Variants in ANKRD44 observed in about 807,000 individuals in gnomAD.
ANKRD44 encodes the protein serine/threonine-protein phosphatase 6 regulatory ankyrin repeat subunit B.
A neutral mutation model predicts 116.0 loss-of-function variants in ANKRD44; 35 were observed. The observed-to-expected ratio is 0.30, with a 90% CI of 0.23 to 0.40. The LOEUF (loss-of-function observed/expected upper bound fraction) is 0.40. Ranked by LOEUF, ANKRD44 falls within the 10% of genes least tolerant of loss-of-function variation. ANKRD44 has a pLI of 1.00. For synonymous variants in ANKRD44, 435 were observed against 461.8 expected (o/e 0.94, Z 0.74); for missense variants, 1,014 against 1,242.6 (o/e 0.82, Z 2.77).
At chr2:197,018,663 G>T (rs890493167) in intron 17 of ANKRD44, among the ~76,000 whole-genome samples, 11 of 152,152 alleles carry the variant, frequency 7.2e-5, no homozygotes, top group African/African-American at 2.7e-4. Context: ...TGATTGAAGG[G>T]ACTTAATGTG....
At chr2:197,151,201 T>C (rs991953353) in intron 2 of ANKRD44, among the ~76,000 whole-genome samples, 2 of 150,648 alleles carry the variant, frequency 1.3e-5, no homozygotes, top group African/African-American at 2.5e-5. Flanking sequence ...CCTAGCTGGA[T>C]AGATATGCCC....
chr2:197,115,206 A>G (rs1255106632), intron 8 of ANKRD44, among the ~76,000 whole-genome samples: 1 of 152,228 alleles, frequency 6.6e-6, no homozygotes, highest in Non-Finnish European at 1.5e-5. Flanking sequence ...CAACCTGGCA[A>G]TGGCAATTTC....
intron 13 of ANKRD44, among the ~76,000 whole-genome samples, chr2:197,084,180 G>T (rs2077865288): frequency 6.6e-6 from 1 of 152,074 alleles, no homozygotes; most frequent in Non-Finnish European, 1.5e-5. Flanking sequence ...AATCTCCTTT[G>T]ATGGGGTATC....
At position 197,212,818 on chromosome 2, in the gene ANKRD44, C is replaced by A. The variant is rs369863185; in HGVS notation, c.28-25712G>T. On this transcript the variant is annotated intron_variant, in intron 1 of 27. Coordinates refer to ENST00000282272, the MANE Select transcript of ANKRD44 (RefSeq NM_001195144.2). The surrounding 1 kb of genome is among the most constrained non-coding windows in gnomAD (Gnocchi z 4.8). ...CAAACACACACTTCAATCAGGAACT[C>A]GGTGATCACATGCCCACGGTGAGAG... is the stretch of plus-strand genomic sequence containing the variant. 2.0e-5 allele frequency among the ~76,000 whole-genome samples: 3 copies of A among 152,132 alleles called. No homozygotes were observed. The highest frequency in any genetic ancestry group is 4.4e-5 in the Non-Finnish European group (3 of 68,032).
intron 1 of ANKRD44, among the ~76,000 whole-genome samples, chr2:197,291,235 C>A (rs909985464): frequency 2.0e-5 from 3 of 152,000 alleles, no homozygotes; most frequent in African/African-American, 7.3e-5. Flanking sequence ...TGTGGCCAGG[C>A]GCGGTGGCTC....
intron 16 of ANKRD44, among the ~76,000 whole-genome samples, chr2:197,055,184 A>T (rs1007480585): frequency 6.6e-6 from 1 of 152,204 alleles, no homozygotes. Context: ...CATTTCCTTG[A>T]TGACTATTAA....
intron 1 of ANKRD44, among the ~76,000 whole-genome samples, chr2:197,257,685 T>A (rs182262186): frequency 6.6e-6 from 1 of 152,272 alleles, no homozygotes; most frequent in African/African-American, 2.4e-5. Context: ...TATCAAAACA[T>A]TTCATGTACC....
At chr2:197,148,888 C>T (rs1460248919) in intron 2 of ANKRD44, among the ~76,000 whole-genome samples, 1 of 152,150 alleles carries the variant, frequency 6.6e-6, no homozygotes, top group African/African-American at 2.4e-5. Flanking sequence ...CGATATATGA[C>T]TACAATCAAC....
intron 16 of ANKRD44, among the ~76,000 whole-genome samples, chr2:197,058,731 C>T (rs2077252074): frequency 6.6e-6 from 1 of 152,178 alleles, no homozygotes; most frequent in Non-Finnish European, 1.5e-5. Context: ...ATTTAGTCTC[C>T]TGCCCATTAT....
intron 16 of ANKRD44, among the ~76,000 whole-genome samples, chr2:197,056,655 A>C (rs569255888): frequency 7.9e-5 from 12 of 152,282 alleles, no homozygotes; most frequent in African/African-American, 2.6e-4. Flanking sequence ...ATTTTATATA[A>C]TATTTTAGAT....
chr2:197,063,532 C>G (rs901424108), intron 16 of ANKRD44, among the ~76,000 whole-genome samples: 1 of 152,106 alleles, frequency 6.6e-6, no homozygotes, highest in East Asian at 1.9e-4. Flanking sequence ...TCGAACCCAT[C>G]GCAAAGAAGC....
At chr2:197,229,350 T>C (rs2081800336) in intron 1 of ANKRD44, among the ~76,000 whole-genome samples, 1 of 152,202 alleles carries the variant, frequency 6.6e-6, no homozygotes, top group Non-Finnish European at 1.5e-5. Flanking sequence ...AGATCATTCA[T>C]AATCAAACCT....
intron 2 of ANKRD44, among the ~76,000 whole-genome samples, chr2:197,156,724 G>A (rs1355680837): frequency 6.6e-6 from 1 of 152,108 alleles, no homozygotes. Context: ...AAGATGAATG[G>A]ACAAACTTAT....
At chr2:197,040,689 G>A (rs549732309) in intron 16 of ANKRD44, among the ~76,000 whole-genome samples, 56 of 151,986 alleles carry the variant, frequency 3.7e-4, no homozygotes, top group African/African-American at 1.1e-3. Flanking sequence ...TTTCCAGCAG[G>A]GATAAAAGTT....
intron 2 of ANKRD44, among the ~76,000 whole-genome samples, chr2:197,161,462 G>C (rs185920667): frequency 6.6e-6 from 1 of 152,144 alleles, no homozygotes; most frequent in East Asian, 1.9e-4. Context: ...TGGGCTAAGA[G>C]GCCCTAGAAT....
At chr2:196,990,758 G>T (rs1640164714) in intron 27 of ANKRD44, 3 of 1,232,030 alleles carry the variant, frequency 2.4e-6, no homozygotes, top group South Asian at 4.1e-5. Flanking sequence ...GGCTAACCAT[G>T]CTACCCAGAT....
chr2:197,011,701 G>A (rs1032579660), intron 18 of ANKRD44, among the ~76,000 whole-genome samples: 2 of 152,212 alleles, frequency 1.3e-5, no homozygotes, highest in Non-Finnish European at 1.5e-5. Flanking sequence ...TCGAACTCCT[G>A]ACCTCAGGTG....
chr2:197,253,950 G>A (rs573468143), intron 1 of ANKRD44, among the ~76,000 whole-genome samples: 1 of 152,320 alleles, frequency 6.6e-6, no homozygotes, highest in East Asian at 1.9e-4. Flanking sequence ...CAGGGTTCTT[G>A]AAAGATTACA....
At chr2:197,186,261 T>C (rs1288443107) in intron 2 of ANKRD44, among the ~76,000 whole-genome samples, 1 of 152,166 alleles carries the variant, frequency 6.6e-6, no homozygotes, top group South Asian at 2.1e-4. Flanking sequence ...TGACTTCTGA[T>C]TGGAATTTAG....
Sources: gnomAD v4.1 joint callset for allele counts (sites outside exome capture counted in the v4.1 genomes callset) on GRCh38, gnomAD v4.1.1 for gene constraint, Gnocchi (gnomAD v3.1) non-coding constraint, MANE v1.5 for transcripts, NCBI Gene and HGNC (gene_info 2026-07-23, HGNC 2026-07-21) for gene names.